Variants in ATP7B observed in about 807,000 individuals in gnomAD.
ATP7B encodes copper-transporting ATPase 2.
Under a neutral mutation model 118.9 loss-of-function variants are expected in ATP7B, and 113 were observed. The ratio of observed to expected loss-of-function variants is 0.95; its 90% CI spans 0.82 to 1.11. ATP7B has a LOEUF of 1.11. Ranked by LOEUF, ATP7B falls within the 50% of genes most tolerant of loss-of-function variation. The pLI is 0.00. For missense variants in ATP7B, 1,867 were observed against 1,871.4 expected, an observed-to-expected ratio of 1.00 and a Z score of 0.04; for synonymous variants, 777 against 727.4, an observed-to-expected ratio of 1.07 and a Z score of -1.10.
upstream of ATP7B, chr13:52,012,042 G>C: frequency 2.3e-6 from 1 of 426,680 alleles, no homozygotes; most frequent in East Asian, 5.0e-5. Context: ...TCCGCTGTGC[G>C]CAAAGGCCAG....
intron 9 of ATP7B, among the ~76,000 whole-genome samples, chr13:51,953,314 A>C (rs1958124917): frequency 1.3e-5 from 2 of 152,166 alleles, no homozygotes; most frequent in South Asian, 4.1e-4. Flanking sequence ...AGCTCCCTGC[A>C]TTCAATTTAG....
At chr13:51,982,033 T>C (rs1002918601) in intron 1 of ATP7B, among the ~76,000 whole-genome samples, 2 of 149,726 alleles carry the variant, frequency 1.3e-5, no homozygotes, top group African/African-American at 4.9e-5. Context: ...TAGCTCATCA[T>C]CTATTATTAG....
chr13:51,972,932 A>G (rs1203092238), intron 2 of ATP7B, among the ~76,000 whole-genome samples: 1 of 152,144 alleles, frequency 6.6e-6, no homozygotes, highest in Non-Finnish European at 1.5e-5. Flanking sequence ...CCTGAGCCCA[A>G]AGGTTCAAGG....
chr13:51,944,338 G>T (rs2138963994), intron 13 of ATP7B, 47 bp from the exon 14 acceptor site: 2 of 1,608,724 alleles, frequency 1.2e-6, no homozygotes, highest in Non-Finnish European at 1.7e-6. Flanking sequence ...AGATGGAGGG[G>T]CTTCCATAGT....
chr13:51,987,670 AG>A (rs765781634), intron 1 of ATP7B, among the ~76,000 whole-genome samples: 1 of 152,220 alleles, frequency 6.6e-6, no homozygotes, highest in African/African-American at 2.4e-5. Context: ...CTATACTACA[AG>A]GCTATAGTAA....
At chr13:51,983,354 T>C (rs529471683) in intron 1 of ATP7B, among the ~76,000 whole-genome samples, 1 of 152,188 alleles carries the variant, frequency 6.6e-6, no homozygotes, top group Non-Finnish European at 1.5e-5. Context: ...GTAGCTAGAC[T>C]GCCTCTCTAG....
intron 1 of ATP7B, among the ~76,000 whole-genome samples, chr13:51,996,672 A>T (rs557952387): frequency 6.6e-6 from 1 of 152,232 alleles, no homozygotes; most frequent in South Asian, 2.1e-4. Context: ...TTCCTCCCCC[A>T]TTAACACTGT....
At chr13:51,940,097 C>T (rs974889437) in intron 16 of ATP7B, among the ~76,000 whole-genome samples, 3 of 147,010 alleles carry the variant, frequency 2.0e-5, no homozygotes, top group Non-Finnish European at 4.5e-5. Flanking sequence ...ACCACAACCT[C>T]CAACTCCCGG....
chr13:51,942,942 G>A (rs1201806591), intron 14 of ATP7B, among the ~76,000 whole-genome samples: 2 of 152,198 alleles, frequency 1.3e-5, no homozygotes, highest in African/African-American at 4.8e-5. Context: ...TGAATTTTAT[G>A]TTGCAAATAA....
At chr13:51,939,289 G>T in intron 16 of ATP7B, 96 bp from the exon 17 acceptor site, 1 of 1,553,174 alleles carries the variant, frequency 6.4e-7, no homozygotes, top group Non-Finnish European at 8.7e-7. Context: ...AATATTATGT[G>T]CAAAAAACAA....
upstream of ATP7B, among the ~76,000 whole-genome samples, chr13:52,011,723 C>G (rs1489894240): frequency 3.3e-5 from 5 of 152,264 alleles, no homozygotes; most frequent in East Asian, 9.6e-4. Flanking sequence ...ATGTCCTCTG[C>G]CGTGCCGGCG....
chr13:51,966,533 G>A (rs561290038), intron 4 of ATP7B, among the ~76,000 whole-genome samples: 1 of 152,336 alleles, frequency 6.6e-6, no homozygotes, highest in Admixed American at 6.5e-5. Flanking sequence ...CAAATATGAA[G>A]CAAACAGACA....
At chr13:51,968,849 TTTTTTTC>T (rs1246777722) in intron 3 of ATP7B, among the ~76,000 whole-genome samples, 1 of 145,044 alleles carries the variant, frequency 6.9e-6, no homozygotes, top group Admixed American at 7.4e-5. Flanking sequence ...GGCAGGCATC[TTTTTTTC>T]TTTTTTCTTT....
At chr13:51,969,798 G>T (rs1204970837) in intron 3 of ATP7B, among the ~76,000 whole-genome samples, 1 of 152,130 alleles carries the variant, frequency 6.6e-6, no homozygotes, top group East Asian at 1.9e-4. Context: ...AGAGCTGCAG[G>T]AAGCTATAAT....
Position 52,009,046 on chromosome 13 carries a change from T to TC in ATP7B, c.51+2240dup, listed in dbSNP as rs1344042363. On this transcript the variant is annotated intron_variant, in intron 1 of 20. Coordinates refer to ENST00000242839, the MANE Select transcript of ATP7B (RefSeq NM_000053.4). ...CACACCATTATGCCCAGCTAATTTT[T>TC]CTTTTTTTTTTGTATAAACGATGTC... 5.9e-5 allele frequency among the ~76,000 whole-genome samples: 9 copies of TC among 152,112 alleles called. No homozygotes were observed. The East Asian group carries it at 1.2e-3, about 20-fold the overall frequency.
chr13:51,959,990 A>T, intron 7 of ATP7B, 158 bp downstream of exon 7: 1 of 1,036,538 alleles, frequency 9.6e-7, no homozygotes, highest in Non-Finnish European at 1.4e-6. Flanking sequence ...GGTCATTAAG[A>T]GAGAAAAAAA....
chr13:51,955,710 C>T (rs1311684471), intron 9 of ATP7B, among the ~76,000 whole-genome samples: 1 of 152,118 alleles, frequency 6.6e-6, no homozygotes, highest in East Asian at 1.9e-4. Context: ...AAAACCAACA[C>T]AGCTGCCAGC....
intron 12 of ATP7B, among the ~76,000 whole-genome samples, chr13:51,948,914 TCA>T (rs1957823275): frequency 6.6e-6 from 1 of 152,206 alleles, no homozygotes; most frequent in Non-Finnish European, 1.5e-5. Context: ...GTGCAGTGGC[TCA>T]CACCTGAAAT....
At chr13:51,946,566 C>T in intron 12 of ATP7B, 88 bp from the exon 13 acceptor site, 1 of 1,483,536 alleles carries the variant, frequency 6.7e-7, no homozygotes. Flanking sequence ...TTCAGGGGGG[C>T]ACTGGACACA....
Sources: allele counts gnomAD v4.1 joint callset (sites outside exome capture counted in the v4.1 genomes callset), GRCh38; gene constraint gnomAD v4.1.1; transcripts MANE v1.5; gene names NCBI Gene and HGNC (gene_info 2026-07-23, HGNC 2026-07-21).